AGTPBP1: variants seen among roughly 807,000 people sequenced by gnomAD.
The protein encoded by AGTPBP1 is cytosolic carboxypeptidase 1.
In AGTPBP1, 70 loss-of-function variants were observed where a neutral mutation model predicts 143.9. The observed-to-expected ratio is 0.49, with a 90% CI of 0.40 to 0.59. The LOEUF is 0.59. AGTPBP1 is among the 20% of genes least tolerant of loss of function. The probability of loss-of-function intolerance (pLI) is 0.00; values close to 1 mark genes in which losing one functional copy is unlikely to be tolerated. For missense variants in AGTPBP1, 1,229 were observed against 1,464.5 expected (o/e 0.84, Z 2.62); for synonymous variants, 463 against 500.2 (o/e 0.93, Z 0.99).
chr9:85,671,013 C>T (rs1160550032), intron 7 of AGTPBP1, among the ~76,000 whole-genome samples: 1 of 152,116 alleles, frequency 6.6e-6, no homozygotes, highest in Non-Finnish European at 1.5e-5. Flanking sequence ...GCAGTCATGG[C>T]TCACTGCAGC....
chr9:85,688,989 AC>A (rs1835670068), intron 3 of AGTPBP1, among the ~76,000 whole-genome samples: 2 of 152,214 alleles, frequency 1.3e-5, no homozygotes, highest in African/African-American at 2.4e-5. Context: ...TTTATTTTGT[AC>A]AAAAATGAGA....
At chr9:85,747,053 T>C in the AGTPBP1 span, among the ~76,000 whole-genome samples, 1 of 152,050 alleles carries the variant, frequency 6.6e-6, no homozygotes, top group East Asian at 1.9e-4. Flanking sequence ...GACAGTGTCT[T>C]GCTATATTTC....
chr9:85,764,717 A>C, the AGTPBP1 span: 2 of 1,206,116 alleles, frequency 1.7e-6, no homozygotes, highest in Admixed American at 3.4e-5. Context: ...GGCCTTAAAC[A>C]CAGATAGTTT....
intron 23 of AGTPBP1, among the ~76,000 whole-genome samples, chr9:85,579,885 T>C (rs1481029961): frequency 1.3e-5 from 2 of 151,044 alleles, no homozygotes; most frequent in African/African-American, 4.9e-5. Context: ...ATTGAGAATA[T>C]AAACTTAAAA....
At chr9:85,610,867 CTGTTAA>C (rs1246457111) in intron 17 of AGTPBP1, among the ~76,000 whole-genome samples, 9 of 152,134 alleles carry the variant, frequency 5.9e-5, no homozygotes, top group Non-Finnish European at 1.5e-5. Context: ...TCTTTTAATT[CTGTTAA>C]TGTTAAGACA....
At chr9:85,612,216 T>C (rs76277106) in intron 17 of AGTPBP1, among the ~76,000 whole-genome samples, 1 of 152,288 alleles carries the variant, frequency 6.6e-6, no homozygotes, top group African/African-American at 2.4e-5. Flanking sequence ...GTGTACTCTT[T>C]GATGGGGATT....
chr9:85,733,156 G>T (rs1407149505), intron 1 of AGTPBP1, among the ~76,000 whole-genome samples: 3 of 152,014 alleles, frequency 2.0e-5, no homozygotes, highest in African/African-American at 7.2e-5. Context: ...TTAGAACAAG[G>T]TACTCAACAA....
intron 14 of AGTPBP1, among the ~76,000 whole-genome samples, chr9:85,628,570 T>C (rs527704680): frequency 4.5e-4 from 68 of 152,304 alleles, no homozygotes; most frequent in Non-Finnish European, 8.7e-4. Context: ...AACATCTCTA[T>C]AGGGAAAGAA....
At chr9:85,691,104 A>G (rs1835843844) in intron 3 of AGTPBP1, among the ~76,000 whole-genome samples, 1 of 152,176 alleles carries the variant, frequency 6.6e-6, no homozygotes, top group South Asian at 2.1e-4. Context: ...TACCTGGCAC[A>G]TTTAATTTTG....
At chr9:85,610,680 A>G (rs1265359979) in intron 17 of AGTPBP1, among the ~76,000 whole-genome samples, 1 of 152,134 alleles carries the variant, frequency 6.6e-6, no homozygotes, top group Non-Finnish European at 1.5e-5. Context: ...CTACTCTCCT[A>G]ACTGATACTA....
intron 25 of AGTPBP1, among the ~76,000 whole-genome samples, chr9:85,564,434 C>G (rs1424128859): frequency 1.3e-5 from 2 of 152,188 alleles, no homozygotes; most frequent in East Asian, 1.9e-4. Context: ...CAAATTATAC[C>G]TTGAATCTCA....
chr9:85,627,868 T>C (rs1429376058), intron 14 of AGTPBP1, among the ~76,000 whole-genome samples: 1 of 152,232 alleles, frequency 6.6e-6, no homozygotes, highest in East Asian at 1.9e-4. Context: ...ATACAAATAA[T>C]GTACAAAATA....
rs1204253430 is a variant in AGTPBP1 at position 85,681,745 on chromosome 9, C to CTTTT, written c.158-414_158-411dup. Among the ~76,000 whole-genome samples, 694 of 105,860 alleles carry CTTTT rather than the reference C, an allele frequency of 6.6e-3. 19 individuals are homozygous for CTTTT. The highest frequency in any genetic ancestry group is 0.019 in the African/African-American group (477 of 25,334). The allele number at this position is 105,860 out of a possible 152,430, so 69.4% of individuals were successfully genotyped here. ...TCCAATGCTATGATTGCATTAATAT[C>CTTTT]TTTTTTTTTTTTTTTTTTTTTTGAG... On this transcript the variant is annotated intron_variant, in intron 3 of 25. Coordinates refer to ENST00000357081, the MANE Select transcript of AGTPBP1 (RefSeq NM_001330701.2).
the AGTPBP1 span, among the ~76,000 whole-genome samples, chr9:85,788,665 G>T: frequency 8.1e-5 from 12 of 148,658 alleles, no homozygotes; most frequent in South Asian, 2.5e-3. Context: ...TATATATATA[G>T]TATTATATAC....
intron 13 of AGTPBP1, among the ~76,000 whole-genome samples, chr9:85,640,211 A>C (rs1376619757): frequency 2.0e-5 from 3 of 152,230 alleles, no homozygotes; most frequent in African/African-American, 4.8e-5. Flanking sequence ...AAAGCATGTC[A>C]CTTACATATT....
intron 9 of AGTPBP1, among the ~76,000 whole-genome samples, chr9:85,659,856 A>G (rs987777481): frequency 7.9e-5 from 12 of 152,254 alleles, no homozygotes; most frequent in Admixed American, 3.9e-4. Flanking sequence ...ACCTAAAAAT[A>G]TCTTCTAAAA....
chr9:85,781,471 A>G, the AGTPBP1 span: 1,224 of 1,239,914 alleles, frequency 9.9e-4, 2 homozygotes, highest in African/African-American at 8.8e-3. Context: ...GTTATTTAGG[A>G]TTAGATACTT....
At chr9:85,774,223 A>G in the AGTPBP1 span, among the ~76,000 whole-genome samples, 6 of 152,152 alleles carry the variant, frequency 3.9e-5, no homozygotes, top group Non-Finnish European at 5.9e-5. Context: ...AGGGCTATTC[A>G]TGCTTGGAAT....
chr9:85,658,531 A>C (rs1257219605), intron 9 of AGTPBP1, among the ~76,000 whole-genome samples: 2 of 152,122 alleles, frequency 1.3e-5, no homozygotes, highest in South Asian at 4.1e-4. Context: ...GTGCAAGATA[A>C]TGTGCAATAC....
Sources: allele counts gnomAD v4.1 joint callset (sites outside exome capture counted in the v4.1 genomes callset), GRCh38; gene constraint gnomAD v4.1.1; transcripts MANE v1.5; gene names NCBI Gene and HGNC (gene_info 2026-07-23, HGNC 2026-07-21).